The following GLIS3 variants were observed in gnomAD, a reference collection of about 807,000 sequenced individuals.
The protein encoded by GLIS3 is GLIS family zinc finger 3.
GLIS3 carries 53 observed loss-of-function variants against 78.6 expected under a neutral mutation model. That is an observed-to-expected ratio of 0.67 (90% CI 0.54 to 0.85). GLIS3 has a LOEUF of 0.85. Among genes scored for constraint, GLIS3 ranks in the 40% least tolerant of loss-of-function variants. The pLI is 0.00. For synonymous variants in GLIS3, 684 were observed against 509.9 expected (o/e 1.34, Z -4.60); for missense variants, 1,703 against 1,231.1 (o/e 1.38, Z -5.74).
chr9:4,133,115 A>ACTAT (rs577843544), intron 2 of GLIS3, among the ~76,000 whole-genome samples: 1 of 152,222 alleles, frequency 6.6e-6, no homozygotes, highest in South Asian at 2.1e-4. Context: ...AGCTCATCGT[A>ACTAT]CTATCTATCT....
At chr9:4,041,850 C>A (rs1003969602) in intron 4 of GLIS3, among the ~76,000 whole-genome samples, 13 of 152,172 alleles carry the variant, frequency 8.5e-5, no homozygotes, top group African/African-American at 3.1e-4. Flanking sequence ...GCACATAAGA[C>A]AATATCTGAC....
chr9:3,926,699 C>T (rs1825281103), intron 6 of GLIS3, among the ~76,000 whole-genome samples: 1 of 151,614 alleles, frequency 6.6e-6, no homozygotes, highest in Admixed American at 6.6e-5. Context: ...TTCAGCTCAC[C>T]ACAACCTCTG....
intron 4 of GLIS3, among the ~76,000 whole-genome samples, chr9:4,085,456 C>T (rs1206058203): frequency 6.6e-6 from 1 of 152,164 alleles, no homozygotes; most frequent in Admixed American, 6.6e-5. Context: ...ATGGCCACTG[C>T]CACCCTCTCA....
At chr9:3,904,444 A>C (rs1226695236) in intron 6 of GLIS3, among the ~76,000 whole-genome samples, 3 of 152,142 alleles carry the variant, frequency 2.0e-5, no homozygotes, top group African/African-American at 2.4e-5. Flanking sequence ...TCAGAAGCCA[A>C]TTTCTTGAAA....
chr9:4,194,013 T>A (rs1397238229), intron 2 of GLIS3, among the ~76,000 whole-genome samples: 1 of 152,260 alleles, frequency 6.6e-6, no homozygotes, highest in Non-Finnish European at 1.5e-5. Context: ...TGGCTGCTGA[T>A]GTTTATTACA....
At chr9:4,103,283 C>G (rs894952400) in intron 4 of GLIS3, among the ~76,000 whole-genome samples, 1 of 152,072 alleles carries the variant, frequency 6.6e-6, no homozygotes, top group South Asian at 2.1e-4. Flanking sequence ...AAGAACAGCA[C>G]AGGAGCCTTG....
chr9:4,064,455 T>C (rs1422779941), intron 4 of GLIS3, among the ~76,000 whole-genome samples: 1 of 152,120 alleles, frequency 6.6e-6, no homozygotes, highest in South Asian at 2.1e-4. Flanking sequence ...TAGTTCAAGA[T>C]TTTCATTGTC....
intron 2 of GLIS3, among the ~76,000 whole-genome samples, chr9:4,335,377 G>A (rs192522336): frequency 6.6e-6 from 1 of 152,172 alleles, no homozygotes; most frequent in Non-Finnish European, 1.5e-5. Flanking sequence ...AAACCAAATG[G>A]TTCAGTTAAA....
intron 2 of GLIS3, among the ~76,000 whole-genome samples, chr9:4,137,987 C>T (rs1461284864): frequency 6.6e-6 from 1 of 152,184 alleles, no homozygotes. Context: ...CCAGCAGAGG[C>T]ACAACTTAGT....
chr9:3,967,362 G>T (rs1246755499), intron 4 of GLIS3, among the ~76,000 whole-genome samples: 1 of 152,068 alleles, frequency 6.6e-6, no homozygotes, highest in East Asian at 1.9e-4. Context: ...AATTAGCCAG[G>T]CGTGGTTGCA....
intron 9 of GLIS3, among the ~76,000 whole-genome samples, chr9:3,840,791 T>A (rs1425052962): frequency 6.6e-6 from 1 of 152,238 alleles, no homozygotes; most frequent in East Asian, 1.9e-4. Flanking sequence ...CTACAGCTCT[T>A]GCTGCCAACT....
At chr9:4,363,008 G>T in the GLIS3 span, among the ~76,000 whole-genome samples, 3 of 152,048 alleles carry the variant, frequency 2.0e-5, no homozygotes, top group African/African-American at 7.2e-5. Context: ...AGAGAAGAGA[G>T]GAGAGAAGTG....
At chr9:4,167,206 G>C (rs1372581054) in intron 2 of GLIS3, among the ~76,000 whole-genome samples, 2 of 151,718 alleles carry the variant, frequency 1.3e-5, no homozygotes, top group African/African-American at 2.4e-5. Flanking sequence ...GCTCCTGTTT[G>C]CTGACTCAGT....
the GLIS3 span, among the ~76,000 whole-genome samples, chr9:4,476,097 T>A: frequency 6.6e-6 from 1 of 152,174 alleles, no homozygotes; most frequent in African/African-American, 2.4e-5. Context: ...ATGTTTTAAA[T>A]AATTTAAAAA....
chr9:3,841,507 G>T (rs1364345931), intron 9 of GLIS3, among the ~76,000 whole-genome samples: 1 of 152,162 alleles, frequency 6.6e-6, no homozygotes, highest in Non-Finnish European at 1.5e-5. Context: ...GGAAGGAGAA[G>T]CAGCACAGGG....
In GLIS3 at chr9:3,829,296, G is replaced by C. The variant is rs757541781; in HGVS notation, c.2656+14C>G. On this transcript the variant is annotated intron_variant, in intron 10 of 10. Coordinates refer to ENST00000381971, the MANE Select transcript of GLIS3 (RefSeq NM_001042413.2). ...AGTTGACAGGATTTTCTAAGTCACA[G>C]ACAACCAACACACCTGTAATGCCCG... 1 of 1,612,924 alleles carries C rather than the reference G, an allele frequency of 6.2e-7. No individual in the cohort carries two copies. The highest frequency in any genetic ancestry group is 2.2e-5 in the East Asian group (1 of 44,814).
intron 9 of GLIS3, among the ~76,000 whole-genome samples, chr9:3,848,416 C>G (rs1380187480): frequency 6.6e-6 from 1 of 152,184 alleles, no homozygotes; most frequent in Non-Finnish European, 1.5e-5. Flanking sequence ...GCAGGAGAAT[C>G]GCTTGAATCC....
intron 2 of GLIS3, among the ~76,000 whole-genome samples, chr9:4,246,323 C>T (rs1197492720): frequency 6.6e-6 from 1 of 152,186 alleles, no homozygotes. Context: ...AGAGCCTTTG[C>T]ATACACAAAT....
At chr9:4,469,735 C>G in the GLIS3 span, among the ~76,000 whole-genome samples, 3 of 152,114 alleles carry the variant, frequency 2.0e-5, no homozygotes. Flanking sequence ...ACTAGAGAGG[C>G]AAGACCAAAC....
Sources: allele counts gnomAD v4.1 joint callset (sites outside exome capture counted in the v4.1 genomes callset), GRCh38; gene constraint gnomAD v4.1.1; transcripts MANE v1.5; gene names NCBI Gene and HGNC (gene_info 2026-07-23, HGNC 2026-07-21).